The following NUCB2 variants were observed in gnomAD, a reference collection of about 807,000 sequenced individuals.
NUCB2 encodes the protein nucleobindin 2, also known as nucleobindin-2.
NUCB2 carries 48 observed loss-of-function variants against 57.9 expected under a neutral mutation model. The observed-to-expected ratio is 0.83, with a 90% CI of 0.66 to 1.05. The LOEUF (loss-of-function observed/expected upper bound fraction) is 1.05, where lower values mean the gene tolerates loss of function less well. NUCB2 is among the 50% of genes least tolerant of loss of function. The pLI, the probability that NUCB2 is intolerant of heterozygous loss-of-function variation, is 0.00. For synonymous variants in NUCB2, 139 were observed against 152.1 expected (o/e 0.91, Z 0.64); for missense variants, 442 against 476.2 (o/e 0.93, Z 0.67).
At chr11:17,316,290 T>A (rs983570107) in intron 11 of NUCB2, among the ~76,000 whole-genome samples, 4 of 152,200 alleles carry the variant, frequency 2.6e-5, no homozygotes, top group South Asian at 2.1e-4. Context: ...ATGTATTTTT[T>A]AAAATGGCTT....
intron 1 of NUCB2, chr11:17,277,197 G>A (rs1319462688): frequency 6.6e-6 from 1 of 152,280 alleles, no homozygotes; most frequent in African/African-American, 2.4e-5. Context: ...CCAATTCCAG[G>A]CGATGCTCCC....
At chr11:17,318,213 C>T (rs907058890) in intron 11 of NUCB2, among the ~76,000 whole-genome samples, 2 of 151,570 alleles carry the variant, frequency 1.3e-5, no homozygotes, top group Non-Finnish European at 2.9e-5. Context: ...GGCAGGATGT[C>T]GTCATGTTGA....
At chr11:17,326,566 A>G (rs6486362) in intron 11 of NUCB2, among the ~76,000 whole-genome samples, 109,317 of 150,778 alleles carry the variant, frequency 0.73, 39,606 homozygotes, top group East Asian at 0.89. Flanking sequence ...TGATCTGCCT[A>G]CCTCGGCCTC....
intron 11 of NUCB2, among the ~76,000 whole-genome samples, chr11:17,318,306 C>T (rs533061273): frequency 1.3e-5 from 2 of 150,664 alleles, no homozygotes; most frequent in African/African-American, 2.4e-5. Flanking sequence ...TGTGAGTCAC[C>T]GTGCCCAGAC....
rs180779475 is a variant in NUCB2 at position 17,325,833 on chromosome 11, T to C, written c.1003-4294T>C. Reference sequence around the variant, plus strand: ...CTTGCTTTTTTTGTGTGTGTATCAATTGTATGTTTTTAGATTTGAGGTTAC... The same window carrying C: ...CTTGCTTTTTTTGTGTGTGTATCAACTGTATGTTTTTAGATTTGAGGTTAC... On this transcript the variant is annotated intron_variant, in intron 11 of 13. Coordinates refer to ENST00000529010, the MANE Select transcript of NUCB2 (RefSeq NM_005013.4). Among the ~76,000 whole-genome samples the C allele has an allele frequency of 2.0e-5, 3 of 152,290 alleles. No homozygotes were observed. In the East Asian group the frequency reaches 5.8e-4, roughly 29 times the overall value.
intron 2 of NUCB2, among the ~76,000 whole-genome samples, chr11:17,294,158 C>A (rs186215722): frequency 6.6e-6 from 1 of 152,096 alleles, no homozygotes; most frequent in East Asian, 1.9e-4. Flanking sequence ...GGAGGTGATT[C>A]ATAGTGAGAA....
intron 2 of NUCB2, among the ~76,000 whole-genome samples, chr11:17,285,286 C>T (rs1021723609): frequency 2.0e-5 from 3 of 151,152 alleles, no homozygotes; most frequent in South Asian, 2.1e-4. Context: ...AAAAATTAGC[C>T]GGGCGTGGCT....
chr11:17,312,473 G>T (rs1190185989), intron 10 of NUCB2, among the ~76,000 whole-genome samples: 5 of 151,384 alleles, frequency 3.3e-5, no homozygotes, highest in Non-Finnish European at 5.9e-5. Context: ...GCGCGACCTC[G>T]GCTCACTGCA....
intron 10 of NUCB2, 47 bp from the exon 11 acceptor site, chr11:17,315,339 A>G (rs1949074343): frequency 9.4e-7 from 1 of 1,062,864 alleles, no homozygotes; most frequent in Non-Finnish European, 1.4e-6. Context: ...TCTAAATAAT[A>G]TGAGAAAGAT....
chr11:17,293,253 C>CAAA (rs35448937), intron 2 of NUCB2, among the ~76,000 whole-genome samples: 2 of 105,088 alleles, frequency 1.9e-5, no homozygotes, highest in Non-Finnish European at 2.0e-5. Context: ...GACTCTGTCT[C>CAAA]AAAAAAAAAA....
intron 2 of NUCB2, among the ~76,000 whole-genome samples, chr11:17,284,157 A>G (rs1174662669): frequency 6.6e-6 from 1 of 152,134 alleles, no homozygotes; most frequent in African/African-American, 2.4e-5. Context: ...AGCTGGGACT[A>G]CAGGCATCCA....
At chr11:17,285,027 A>G (rs1485659927) in intron 2 of NUCB2, among the ~76,000 whole-genome samples, 2 of 152,158 alleles carry the variant, frequency 1.3e-5, no homozygotes, top group African/African-American at 4.8e-5. Flanking sequence ...ACATACATAC[A>G]TACATACATA....
chr11:17,285,716 C>G (rs1943590447), intron 2 of NUCB2, among the ~76,000 whole-genome samples: 1 of 143,306 alleles, frequency 7.0e-6, no homozygotes, highest in South Asian at 2.3e-4. Context: ...TGCACTCCAG[C>G]CTGGGTGACA....
At chr11:17,340,947 C>G (rs914314798) in intron 2 of NUCB2, among the ~76,000 whole-genome samples, 1 of 152,182 alleles carries the variant, frequency 6.6e-6, no homozygotes, top group Admixed American at 6.5e-5. Context: ...ATTCTTCCTA[C>G]CCAGGAGCAT....
At chr11:17,284,030 CTT>C (rs1268321113) in intron 2 of NUCB2, among the ~76,000 whole-genome samples, 2 of 151,998 alleles carry the variant, frequency 1.3e-5, no homozygotes, top group Non-Finnish European at 2.9e-5. Context: ...TCCTTCCAGA[CTT>C]TTATTTTTTT....
At chr11:17,336,520 C>T (rs553310761), downstream of NUCB2, among the ~76,000 whole-genome samples, 65 of 151,324 alleles carry the variant, frequency 4.3e-4, no homozygotes, top group African/African-American at 1.5e-3. Flanking sequence ...TTTGGGAGGC[C>T]GAGGCGGGCG....
rs55741571 is a variant in NUCB2 at position 17,348,319 on chromosome 11, GTTTTTTTTTTTTTTTTTTT to G, written n.2627-1012_2627-994del. Among the ~76,000 whole-genome samples, 459 of 84,494 alleles carry G rather than the reference GTTTTTTTTTTTTTTTTTTT, an allele frequency of 5.4e-3. 3 individuals carry two copies. The highest frequency in any genetic ancestry group is 7.3e-3 in the African/African-American group (147 of 20,072). The allele number at this position is 84,494 out of a possible 152,430, so 55.4% of individuals were successfully genotyped here. On this transcript the variant is annotated intron_variant and non_coding_transcript_variant, in intron 2 of 2. Coordinates refer to the NUCB2 transcript ENST00000532240. The stretch of plus-strand genomic sequence containing the variant: ...TGAGGTGTTTTTTGTTTGTTTTTGT[GTTTTTTTTTTTTTTTTTTT>G]TTTTTTTTTTTTTGGAGACAGAGTC...
At chr11:17,344,183 C>G (rs952856135) in intron 2 of NUCB2, among the ~76,000 whole-genome samples, 11 of 152,158 alleles carry the variant, frequency 7.2e-5, no homozygotes, top group African/African-American at 2.7e-4. Context: ...ATGAATGTCC[C>G]TGTTCAGTTC....
intron 1 of NUCB2, among the ~76,000 whole-genome samples, chr11:17,278,973 A>G (rs1458935556): frequency 6.6e-6 from 1 of 152,194 alleles, no homozygotes. Flanking sequence ...CGGGTGGATC[A>G]CTTGAGTCCA....
Sources: gnomAD v4.1 joint callset for allele counts (sites outside exome capture counted in the v4.1 genomes callset) on GRCh38, gnomAD v4.1.1 for gene constraint, MANE v1.5 for transcripts, NCBI Gene and HGNC (gene_info 2026-07-23, HGNC 2026-07-21) for gene names.